The following PARD3B variants were observed in gnomAD, a reference collection of about 807,000 sequenced individuals.
The protein encoded by PARD3B is par-3 family cell polarity regulator beta.
PARD3B carries 103 observed loss-of-function variants against 130.2 expected under a neutral mutation model. That is an observed-to-expected ratio of 0.79 (90% CI 0.67 to 0.93). PARD3B has a LOEUF of 0.93. Ranked by LOEUF, PARD3B falls within the 40% of genes least tolerant of loss-of-function variation. The pLI is 0.00. For missense variants in PARD3B, 1,609 were observed against 1,499.2 expected, an observed-to-expected ratio of 1.07 and a Z score of -1.21; for synonymous variants, 583 against 553.2, an observed-to-expected ratio of 1.05 and a Z score of -0.76.
Position 204,788,720 on chromosome 2 carries a change from T to C in PARD3B, c.222+102438T>C, listed in dbSNP as rs983685517. On this transcript the variant is annotated intron_variant, in intron 2 of 22. Coordinates refer to ENST00000406610, the MANE Select transcript of PARD3B (RefSeq NM_001302769.2). ...GCACTGGATTTGTCACCTTAAAATA[T>C]TGAGGTGAGATGATTGCAAATTAGG... Among the ~76,000 whole-genome samples the C allele has an allele frequency of 3.3e-5, 5 of 152,250 alleles. 1 individual carries two copies. The highest frequency in any genetic ancestry group is 1.2e-4 in the African/African-American group (5 of 41,536).
At position 205,430,572 on chromosome 2, in the gene PARD3B, G is replaced by A. The variant is rs575647972; in HGVS notation, c.2742-9798G>A. ...GGAAGATTTCCATTTCCATCATCACGGAAAATCCTATTGGAAAGCACTGCT... is the reference window on the plus strand; with the variant it reads ...GGAAGATTTCCATTTCCATCATCACAGAAAATCCTATTGGAAAGCACTGCT... On this transcript the variant is annotated intron_variant, in intron 19 of 22. Transcript: ENST00000406610. 7.2e-5 allele frequency among the ~76,000 whole-genome samples: 11 copies of A among 152,234 alleles called. No homozygotes were observed. The South Asian group carries it at 2.1e-3, about 29-fold the overall frequency.
chr2:205,607,232 C>T (rs1357670382), intron 22 of PARD3B, among the ~76,000 whole-genome samples: 1 of 145,632 alleles, frequency 6.9e-6, no homozygotes, highest in Admixed American at 6.7e-5. Flanking sequence ...AGCCAAAGTA[C>T]CCATTGGAAA....
chr2:205,609,434 A>G (rs1384035461), intron 22 of PARD3B, among the ~76,000 whole-genome samples: 2 of 152,196 alleles, frequency 1.3e-5, no homozygotes, highest in Non-Finnish European at 2.9e-5. Context: ...CAACGGGTAC[A>G]GGCACCTCTC....
intron 22 of PARD3B, among the ~76,000 whole-genome samples, chr2:205,608,739 C>T (rs1183687971): frequency 6.6e-6 from 1 of 152,180 alleles, no homozygotes; most frequent in East Asian, 1.9e-4. Flanking sequence ...GAATCCAAAA[C>T]TCATTGCACA....
intron 18 of PARD3B, among the ~76,000 whole-genome samples, chr2:205,334,102 T>C (rs913832607): frequency 1.3e-5 from 2 of 152,164 alleles, no homozygotes; most frequent in Non-Finnish European, 2.9e-5. Flanking sequence ...TATTTACCTA[T>C]GTAAAGATCA....
At chr2:204,951,737 T>A (rs989802725) in intron 2 of PARD3B, among the ~76,000 whole-genome samples, 1 of 151,994 alleles carries the variant, frequency 6.6e-6, no homozygotes, top group Non-Finnish European at 1.5e-5. Flanking sequence ...CCAAAACCAT[T>A]TTGGTAGGAT....
chr2:204,824,461 T>G (rs1341101203), intron 2 of PARD3B, among the ~76,000 whole-genome samples: 1 of 152,140 alleles, frequency 6.6e-6, no homozygotes, highest in Non-Finnish European at 1.5e-5. Flanking sequence ...CTAGCTCTGG[T>G]GTACTGCTTA....
intron 1 of PARD3B, among the ~76,000 whole-genome samples, chr2:204,588,793 A>T (rs960920319): frequency 2.0e-5 from 3 of 152,324 alleles, no homozygotes; most frequent in African/African-American, 7.2e-5. Flanking sequence ...TAGCATTAAC[A>T]TTGGAAATTA....
chr2:205,521,410 G>GT (rs1205761544), intron 21 of PARD3B, among the ~76,000 whole-genome samples: 4 of 151,564 alleles, frequency 2.6e-5, no homozygotes, highest in South Asian at 2.1e-4. Flanking sequence ...TTCATTCAGG[G>GT]TTTTTTTTCT....
At chr2:205,090,478 G>T (rs1702037668) in intron 4 of PARD3B, among the ~76,000 whole-genome samples, 1 of 152,166 alleles carries the variant, frequency 6.6e-6, no homozygotes, top group Admixed American at 6.5e-5. Context: ...CAGTTTCTCT[G>T]GGGTTTGTTA....
intron 2 of PARD3B, among the ~76,000 whole-genome samples, chr2:204,956,639 A>T (rs1332142531): frequency 6.6e-6 from 1 of 152,070 alleles, no homozygotes; most frequent in Non-Finnish European, 1.5e-5. Flanking sequence ...AAATTAGTCT[A>T]TGTAGCTAGT....
At chr2:204,970,445 A>G (rs751156541) in intron 3 of PARD3B, among the ~76,000 whole-genome samples, 1 of 152,194 alleles carries the variant, frequency 6.6e-6, no homozygotes, top group Non-Finnish European at 1.5e-5. Context: ...TGTCACCACC[A>G]TATCTCCCTG....
At chr2:204,712,234 A>G (rs925835396) in intron 2 of PARD3B, among the ~76,000 whole-genome samples, 2 of 152,242 alleles carry the variant, frequency 1.3e-5, no homozygotes, top group African/African-American at 4.8e-5. Flanking sequence ...AAGTTTGAAC[A>G]TTATGGTTTA....
intron 2 of PARD3B, among the ~76,000 whole-genome samples, chr2:204,702,409 G>A (rs1377219646): frequency 1.3e-5 from 2 of 152,132 alleles, no homozygotes; most frequent in South Asian, 2.1e-4. Flanking sequence ...AGCATCTGTT[G>A]CTTTTTGACT....
At chr2:204,929,883 C>T (rs1188264891) in intron 2 of PARD3B, among the ~76,000 whole-genome samples, 1 of 151,958 alleles carries the variant, frequency 6.6e-6, no homozygotes, top group Non-Finnish European at 1.5e-5. Context: ...TAACAGTTTG[C>T]AGGAAGATAC....
At chr2:204,788,115 C>G (rs1466835709) in intron 2 of PARD3B, among the ~76,000 whole-genome samples, 1 of 152,178 alleles carries the variant, frequency 6.6e-6, no homozygotes, top group Non-Finnish European at 1.5e-5. Context: ...TCCCATGTGT[C>G]TAGCTGAATA....
At chr2:204,625,553 G>A (rs924852342) in intron 1 of PARD3B, among the ~76,000 whole-genome samples, 4 of 152,120 alleles carry the variant, frequency 2.6e-5, no homozygotes, top group African/African-American at 7.2e-5. Context: ...ACATGACATT[G>A]GTACCCAGCT....
chr2:205,289,079 A>G (rs2041507238), intron 16 of PARD3B, among the ~76,000 whole-genome samples: 1 of 152,218 alleles, frequency 6.6e-6, no homozygotes, highest in South Asian at 2.1e-4. Flanking sequence ...TGGCATGGTT[A>G]TTCTCAGGAA....
intron 15 of PARD3B, among the ~76,000 whole-genome samples, chr2:205,235,579 C>T (rs1223291710): frequency 6.6e-6 from 1 of 152,064 alleles, no homozygotes. Flanking sequence ...GATCTGATAA[C>T]CAAAATGCTT....
Sources: allele counts gnomAD v4.1 joint callset (sites outside exome capture counted in the v4.1 genomes callset), GRCh38; gene constraint gnomAD v4.1.1; transcripts MANE v1.5; gene names NCBI Gene and HGNC (gene_info 2026-07-23, HGNC 2026-07-21).